The following WDR91 variants were observed in gnomAD, a reference collection of about 807,000 sequenced individuals.
The protein encoded by WDR91 is WD repeat-containing protein 91.
In WDR91, 52 loss-of-function variants were observed where a neutral mutation model predicts 88.4. The observed-to-expected ratio is 0.59, with a 90% CI of 0.47 to 0.74. WDR91 has a LOEUF of 0.74. Ranked by LOEUF, WDR91 falls within the 30% of genes least tolerant of loss-of-function variation. The pLI, the probability that WDR91 is intolerant of heterozygous loss-of-function variation, is 0.00. For synonymous variants in WDR91, 362 were observed against 389.5 expected, an observed-to-expected ratio of 0.93 and a Z score of 0.83; for missense variants, 824 against 954.5, an observed-to-expected ratio of 0.86 and a Z score of 1.80.
At position 135,193,410 on chromosome 7, in the gene WDR91, C is replaced by G. The variant is rs368456332; in HGVS notation, c.1491-11G>C. On this transcript the variant is annotated splice_polypyrimidine_tract_variant and intron_variant, in intron 10 of 14. Transcript: ENST00000354475. ...GCAAGAGACAGGATTCTGCAACACA[C>G]ATGGGCCTGGGTCAGACCCTCTGCC... The G allele has an allele frequency of 6.2e-5, 100 of 1,613,754 alleles. No individual in the cohort carries two copies. Among genetic ancestry groups the G allele is most frequent in the Non-Finnish European group, 8.4e-5 (99 of 1,179,850 alleles).
At chr7:135,191,466 G>A (rs931808872) in intron 11 of WDR91, among the ~76,000 whole-genome samples, 6 of 151,994 alleles carry the variant, frequency 3.9e-5, no homozygotes, top group Non-Finnish European at 8.8e-5. Flanking sequence ...TTAGCTGGGT[G>A]TGGTGGTGGG....
Position 135,186,161 on chromosome 7 carries a change from T to C in WDR91, c.2234A>G (p.His745Arg). The C allele has an allele frequency of 6.3e-7, 1 of 1,596,570 alleles. No individual in the cohort carries two copies. Among genetic ancestry groups the C allele is most frequent in the South Asian group, 1.1e-5 (1 of 88,854 alleles). ...GKIKLTTLLA[H>R]KA ...CCTTGGGGCAAGTCATCAGGCTTTA[T>C]GGGCCAGGAGGGTGGTCAGCTTGAT... Residue 745 changes from histidine to arginine, a missense_variant, in exon 15 of 15, where the codon CAT (histidine) becomes CGT (arginine). By Grantham distance (29) the His-to-Arg change is conservative. Coordinates refer to ENST00000354475, the MANE Select transcript of WDR91 (RefSeq NM_014149.4).
chr7:135,204,258 T>A lies in WDR91; in HGVS notation c.891+10A>T. ...TTGGCCAGAGTTAGAGAGGCAGGACTTGTGCTTACCTGACCACCGAAGGAC... is the reference window on the plus strand; with the variant it reads ...TTGGCCAGAGTTAGAGAGGCAGGACATGTGCTTACCTGACCACCGAAGGAC... On this transcript the variant is annotated intron_variant, in intron 6 of 14. Transcript: ENST00000354475. 2 of 1,613,380 alleles carry A rather than the reference T, an allele frequency of 1.2e-6. No homozygotes were observed. Among genetic ancestry groups the A allele is most frequent in the South Asian group, 2.2e-5 (2 of 91,020 alleles).
At position 135,209,754 on chromosome 7, in the gene WDR91, A is replaced by C; in HGVS notation, c.125T>G (p.Val42Gly). The C allele has an allele frequency of 7.6e-6, 12 of 1,583,810 alleles. No homozygotes were observed. The highest frequency in any genetic ancestry group is 1.0e-5 in the Non-Finnish European group (12 of 1,162,846). The change falls in exon 2 of 15, where the codon GTG becomes GGG. Residue 42 changes from valine to glycine, a missense_variant and splice_region_variant. Transcript: ENST00000354475. ...IKADKEKGFR[V>G]DKIVDQLQQL... The stretch of plus-strand genomic sequence containing the variant: ...CTGCAGCTGGTCCACAATCTTATCC[A>C]CCTGGCGAGAAACATGGATGGAGAA...
In WDR91 at chr7:135,196,318, T is replaced by G. The variant is rs772897360; in HGVS notation, c.1070A>C (p.Glu357Ala). ...GGGCTCAGCCTCTGGGCCACTGGCT[T>G]CTGGTTTCTTCTCTGCACACTGTCA... ...TTSQCAEKKP[E>A]ASGPEAEPCP... is the part of the protein sequence containing the mutation. The change falls in exon 8 of 15, where the codon GAA becomes GCA. Residue 357 changes from glutamate to alanine, a missense_variant. Coordinates refer to ENST00000354475, the MANE Select transcript of WDR91 (RefSeq NM_014149.4). This position sits in a 1 kb window ranked among gnomAD's most constrained non-coding sequence, Gnocchi z 4.2. 6.4e-7 allele frequency: 1 copy of G among 1,572,036 alleles called. No individual in the cohort carries two copies. Among genetic ancestry groups the G allele is most frequent in the African/African-American group, 1.4e-5 (1 of 73,252 alleles).
chr7:135,193,493 G>T, intron 10 of WDR91, 85 bp downstream of exon 10: 1 of 1,610,908 alleles, frequency 6.2e-7, no homozygotes, highest in Non-Finnish European at 8.5e-7. Context: ...CAGGAGATGG[G>T]GCATTAGGCT....
intron 2 of WDR91, 102 bp downstream of exon 2, chr7:135,209,474 T>C (rs935814248): frequency 2.5e-6 from 3 of 1,181,210 alleles, no homozygotes; most frequent in East Asian, 2.6e-5. Flanking sequence ...CTCTTTCCCA[T>C]AGTCACATAC....
At chr7:135,205,345 A>C (rs1831727591) in intron 5 of WDR91, among the ~76,000 whole-genome samples, 1 of 152,184 alleles carries the variant, frequency 6.6e-6, no homozygotes, top group African/African-American at 2.4e-5. Flanking sequence ...TCCTGACTAC[A>C]CATATCTGGA....
At chr7:135,195,325 C>A (rs542122037) in intron 8 of WDR91, among the ~76,000 whole-genome samples, 2 of 152,226 alleles carry the variant, frequency 1.3e-5, no homozygotes, top group African/African-American at 2.4e-5. Flanking sequence ...GGCAAAGAGC[C>A]GTGAGCAAGA....
chr7:135,198,191 T>G, intron 6 of WDR91, 40 bp from the exon 7 acceptor site: 1 of 1,583,232 alleles, frequency 6.3e-7, no homozygotes, highest in Non-Finnish European at 8.6e-7. Context: ...TCTTCCCATC[T>G]GCCCAGGCCA....
intron 12 of WDR91, 110 bp downstream of exon 12, chr7:135,189,234 G>A: frequency 6.0e-6 from 5 of 832,780 alleles, no homozygotes; most frequent in Non-Finnish European, 9.6e-6. Flanking sequence ...TCTGAAGTCA[G>A]GGTTTTGCAA....
Position 135,209,602 on chromosome 7 carries a change from G to GA in WDR91, c.276dup (p.Arg93SerfsTer14), listed in dbSNP as rs765546382. The GA allele has an allele frequency of 8.1e-6, 13 of 1,608,388 alleles. No individual in the cohort carries two copies. The highest frequency in any genetic ancestry group is 1.3e-5 in the African/African-American group (1 of 74,728). On this transcript the variant is annotated frameshift_variant, in exon 2 of 15. Transcript: ENST00000354475. LOFTEE classifies it high-confidence loss of function. ...TGGATTGTGTAGACAAGATAAAATC[G>GA]AAACAGGCTGGTTTTCAGCTTGTGG...
intron 11 of WDR91, among the ~76,000 whole-genome samples, chr7:135,189,903 G>A (rs73156111): frequency 6.6e-6 from 1 of 152,196 alleles, no homozygotes; most frequent in Non-Finnish European, 1.5e-5. Flanking sequence ...CCACCTCATA[G>A]AACATAATGT....
intron 6 of WDR91, chr7:135,200,416 CTG>C (rs1831528675): frequency 6.6e-6 from 1 of 152,234 alleles, no homozygotes; most frequent in African/African-American, 2.4e-5. Context: ...GCCGGCAGAA[CTG>C]TGTACTCTCT....
intron 9 of WDR91, among the ~76,000 whole-genome samples, chr7:135,194,466 T>C (rs916885250): frequency 2.0e-5 from 3 of 152,220 alleles, no homozygotes; most frequent in Non-Finnish European, 4.4e-5. Flanking sequence ...CCTCCTTAAC[T>C]ACAAGTCCTA....
In WDR91 at chr7:135,209,498, G is replaced by A. The variant is rs113935527; in HGVS notation, c.303+78C>T. ...ATAGTCACATACAGATTCCTCCCTA[G>A]GAACTGGAAGAAAATCTATTTTGGG... On this transcript the variant is annotated intron_variant, in intron 2 of 14. Coordinates refer to ENST00000354475, the MANE Select transcript of WDR91 (RefSeq NM_014149.4). 541 of 1,385,626 alleles carry A rather than the reference G, an allele frequency of 3.9e-4. 4 individuals are homozygous for A. The African/African-American group carries it at 4.5e-3, about 11-fold the overall frequency. 85.8% of individuals were successfully genotyped at this position (1,385,626 alleles called of 1,614,324 possible).
chr7:135,197,341 G>A (rs1014717975), intron 7 of WDR91: 2 of 152,288 alleles, frequency 1.3e-5, no homozygotes, highest in Non-Finnish European at 2.9e-5. Context: ...GATAAATGGT[G>A]AAGACAGTGA....
chr7:135,184,272 T>G lies in WDR91; in HGVS notation c.*1879A>C, dbSNP rs1830857782. The G allele has an allele frequency of 6.6e-6, 1 of 152,134 alleles. No homozygotes were observed. Among genetic ancestry groups the G allele is most frequent in the Admixed American group, 6.5e-5 (1 of 15,278 alleles). 9.4% of individuals were successfully genotyped at this position (152,134 alleles called of 1,614,324 possible). A position where few individuals can be genotyped will look rare whatever the true frequency, so the allele number is the denominator to read the frequency against. On this transcript the variant is annotated 3_prime_UTR_variant, in exon 15 of 15. Coordinates refer to ENST00000354475, the MANE Select transcript of WDR91 (RefSeq NM_014149.4). ...AATACCTCCCTACTTTTCCCTCAAC[T>G]CCCAGAACAAAGCCAAGACTTTGGT...
intron 6 of WDR91, chr7:135,202,379 T>G (rs1330686648): frequency 6.6e-6 from 1 of 152,228 alleles, no homozygotes; most frequent in Non-Finnish European, 1.5e-5. Flanking sequence ...ACTATTGGGT[T>G]TTTTAGATTA....
Sources: gnomAD v4.1 joint callset for allele counts (sites outside exome capture counted in the v4.1 genomes callset) on GRCh38, gnomAD v4.1.1 for gene constraint, Gnocchi (gnomAD v3.1) non-coding constraint, MANE v1.5 for transcripts, NCBI Gene and HGNC (gene_info 2026-07-23, HGNC 2026-07-21) for gene names.